TMEM132C: variants seen among roughly 807,000 people sequenced by gnomAD.
The protein encoded by TMEM132C is protein phosphatase 1, regulatory subunit 152.
In TMEM132C, 29 loss-of-function variants were observed where a neutral mutation model predicts 61.4. The observed-to-expected ratio is 0.47, with a 90% CI of 0.35 to 0.64. The LOEUF (loss-of-function observed/expected upper bound fraction) is 0.64, where lower values mean the gene tolerates loss of function less well. TMEM132C is among the 30% of genes least tolerant of loss of function. The pLI is 0.00. For synonymous variants in TMEM132C, 656 were observed against 633.1 expected, an observed-to-expected ratio of 1.04 and a Z score of -0.54; for missense variants, 1,408 against 1,476.9, an observed-to-expected ratio of 0.95 and a Z score of 0.76.
At chr12:128,285,518 A>T (rs1871026120) in intron 1 of TMEM132C, among the ~76,000 whole-genome samples, 1 of 152,210 alleles carries the variant, frequency 6.6e-6, no homozygotes, top group South Asian at 2.1e-4. Flanking sequence ...ACACCAGTGT[A>T]GGCAGCAGAG....
chr12:128,453,048 C>T (rs1237417222), intron 2 of TMEM132C, among the ~76,000 whole-genome samples: 1 of 152,176 alleles, frequency 6.6e-6, no homozygotes, highest in Non-Finnish European at 1.5e-5. Context: ...GCTTCTAATA[C>T]CTGCCTTCTA....
intron 2 of TMEM132C, among the ~76,000 whole-genome samples, chr12:128,530,616 G>C (rs1452194439): frequency 6.6e-6 from 1 of 151,948 alleles, no homozygotes. Context: ...TCTAATTTTT[G>C]TATTTTTTTG....
At chr12:128,383,057 T>C (rs902214897) in intron 1 of TMEM132C, among the ~76,000 whole-genome samples, 2 of 152,126 alleles carry the variant, frequency 1.3e-5, no homozygotes, top group East Asian at 1.9e-4. Flanking sequence ...CGTGAGCATC[T>C]GTATGTATGT....
chr12:128,617,163 G>C (rs1204136264), intron 4 of TMEM132C, among the ~76,000 whole-genome samples: 1 of 152,166 alleles, frequency 6.6e-6, no homozygotes, highest in Non-Finnish European at 1.5e-5. Context: ...ATTTTTCAAA[G>C]CTCCTAAGCC....
intron 3 of TMEM132C, among the ~76,000 whole-genome samples, chr12:128,613,252 G>A (rs1876692441): frequency 6.6e-6 from 1 of 152,220 alleles, no homozygotes; most frequent in Admixed American, 6.5e-5. Context: ...TGGCAGATAA[G>A]GAGAATCAGG....
At chr12:128,701,592 T>C (rs1193333245) in intron 8 of TMEM132C, among the ~76,000 whole-genome samples, 1 of 152,250 alleles carries the variant, frequency 6.6e-6, no homozygotes, top group Non-Finnish European at 1.5e-5. Context: ...GAACACTGGC[T>C]GCTCCCAGGC....
At chr12:128,564,120 T>C (rs758988754) in intron 3 of TMEM132C, among the ~76,000 whole-genome samples, 3 of 152,222 alleles carry the variant, frequency 2.0e-5, no homozygotes, top group Non-Finnish European at 4.4e-5. Context: ...GCGCCTCACA[T>C]GGCAGAGAGA....
chr12:128,318,909 C>T (rs540079499), intron 1 of TMEM132C, among the ~76,000 whole-genome samples: 3 of 152,334 alleles, frequency 2.0e-5, no homozygotes, highest in Admixed American at 6.5e-5. Flanking sequence ...TGTGGGCCCT[C>T]ACCTTGCAGG....
chr12:128,511,761 G>A (rs1398360165), intron 2 of TMEM132C, among the ~76,000 whole-genome samples: 3 of 152,150 alleles, frequency 2.0e-5, no homozygotes, highest in African/African-American at 7.2e-5. Flanking sequence ...ATAGTGTATG[G>A]CCCGCACCCC....
chr12:128,686,097 CAT>C (rs1491237523), intron 5 of TMEM132C, among the ~76,000 whole-genome samples: 9 of 148,290 alleles, frequency 6.1e-5, no homozygotes, highest in African/African-American at 2.1e-4. Flanking sequence ...GTTGTGTGCG[CAT>C]GTGTGTGCAT....
chr12:128,287,968 A>C (rs1871125895), intron 1 of TMEM132C, among the ~76,000 whole-genome samples: 1 of 151,894 alleles, frequency 6.6e-6, no homozygotes, highest in Admixed American at 6.6e-5. Context: ...CCTTCCGGAC[A>C]TTGAGTTCTG....
In TMEM132C at chr12:128,669,507, ATGGACAT is replaced by A; in HGVS notation, c.1397_1403del (p.Met466ThrfsTer39). On this transcript the variant is annotated frameshift_variant, in exon 5 of 9. Transcript: ENST00000435159. LOFTEE classifies it high-confidence loss of function. ...CTCTGTGGAGGAGAACAGTGCCGTG[ATGGACAT>A]CTCAGAGTCGGTGGAGTGCAAGTCC... 1 of 1,551,706 alleles carries A rather than the reference ATGGACAT, an allele frequency of 6.4e-7. No homozygotes were observed. The highest frequency in any genetic ancestry group is 8.7e-7 in the Non-Finnish European group (1 of 1,146,990).
chr12:128,491,182 G>A (rs1481875385), intron 2 of TMEM132C, among the ~76,000 whole-genome samples: 1 of 152,174 alleles, frequency 6.6e-6, no homozygotes, highest in Non-Finnish European at 1.5e-5. Flanking sequence ...CCACTGCAGG[G>A]ACATTTGTTA....
intron 3 of TMEM132C, among the ~76,000 whole-genome samples, chr12:128,604,724 A>G (rs1227154355): frequency 6.6e-6 from 1 of 152,118 alleles, no homozygotes; most frequent in Non-Finnish European, 1.5e-5. Context: ...TAAATAATAG[A>G]TGGAAGATAG....
At chr12:128,329,039 C>G (rs1872602259) in intron 1 of TMEM132C, among the ~76,000 whole-genome samples, 1 of 152,090 alleles carries the variant, frequency 6.6e-6, no homozygotes, top group Non-Finnish European at 1.5e-5. Flanking sequence ...TCGGAGATTT[C>G]TACCCTAGGC....
intron 3 of TMEM132C, among the ~76,000 whole-genome samples, chr12:128,558,021 C>A (rs1042159019): frequency 6.6e-6 from 1 of 152,214 alleles, no homozygotes; most frequent in African/African-American, 2.4e-5. Flanking sequence ...AGTCAGTCTC[C>A]TTGGCTCTTA....
intron 5 of TMEM132C, among the ~76,000 whole-genome samples, chr12:128,671,353 C>A (rs1044672170): frequency 6.6e-6 from 1 of 152,142 alleles, no homozygotes; most frequent in African/African-American, 2.4e-5. Flanking sequence ...GATGCTACAC[C>A]ACAATGCTTG....
intron 3 of TMEM132C, among the ~76,000 whole-genome samples, chr12:128,578,592 G>C (rs374163523): frequency 4.7e-4 from 70 of 148,684 alleles, no homozygotes; most frequent in African/African-American, 1.7e-3. Flanking sequence ...AGAGGTTTTT[G>C]TTGTTGTTGT....
intron 1 of TMEM132C, among the ~76,000 whole-genome samples, chr12:128,272,562 A>G (rs947082179): frequency 5.3e-5 from 8 of 152,228 alleles, no homozygotes; most frequent in Non-Finnish European, 5.9e-5. Flanking sequence ...TGCAGACTGT[A>G]TATATAACTT....
Sources: allele counts gnomAD v4.1 joint callset (sites outside exome capture counted in the v4.1 genomes callset), GRCh38; gene constraint gnomAD v4.1.1; transcripts MANE v1.5; gene names NCBI Gene and HGNC (gene_info 2026-07-23, HGNC 2026-07-21).